The following WDPCP variants were observed in gnomAD, a reference collection of about 807,000 sequenced individuals.
WDPCP encodes the protein WD repeat containing planar cell polarity effector, also known as WD repeat-containing and planar cell polarity effector protein fritz homolog.
In WDPCP, 71 loss-of-function variants were observed where a neutral mutation model predicts 93.1. The ratio of observed to expected loss-of-function variants is 0.76; its 90% CI spans 0.63 to 0.93. The LOEUF (loss-of-function observed/expected upper bound fraction) is 0.93, where lower values mean the gene tolerates loss of function less well. Ranked by LOEUF, WDPCP falls within the 40% of genes least tolerant of loss-of-function variation. WDPCP has a pLI of 0.00. For synonymous variants in WDPCP, 315 were observed against 315.0 expected (o/e 1.00, Z 0.00); for missense variants, 844 against 887.4 (o/e 0.95, Z 0.62).
chr2:63,268,252 G>C (rs1482357388), intron 13 of WDPCP, among the ~76,000 whole-genome samples: 1 of 152,112 alleles, frequency 6.6e-6, no homozygotes, highest in Non-Finnish European at 1.5e-5. Context: ...GATCTCACTT[G>C]TTATATATGG....
chr2:63,571,784 T>C (rs1707524476), intron 1 of WDPCP, among the ~76,000 whole-genome samples: 1 of 152,248 alleles, frequency 6.6e-6, no homozygotes, highest in Non-Finnish European at 1.5e-5. Flanking sequence ...TATTCATAGT[T>C]ATTCGTATCA....
chr2:63,453,275 T>G (rs906528325), intron 6 of WDPCP, among the ~76,000 whole-genome samples: 15 of 152,148 alleles, frequency 9.9e-5, no homozygotes, highest in African/African-American at 3.6e-4. Flanking sequence ...CATCAAAAAG[T>G]GGGCAAAGGA....
At chr2:63,680,310 G>C (rs1289192116) in intron 2 of WDPCP, among the ~76,000 whole-genome samples, 1 of 152,234 alleles carries the variant, frequency 6.6e-6, no homozygotes, top group Non-Finnish European at 1.5e-5. Context: ...AAGAAAGATA[G>C]TCTTGAATAG....
chr2:63,426,341 C>CA lies in WDPCP; in HGVS notation c.825+7403dup, dbSNP rs201451812. On this transcript the variant is annotated intron_variant, in intron 9 of 17. Coordinates refer to ENST00000272321, the MANE Select transcript of WDPCP (RefSeq NM_015910.7). ...TAGGTGACAGAGTGAGACTCTGTCT[C>CA]AAAAAAAAACAAAACAAAACAAATG... is the stretch of plus-strand genomic sequence containing the variant. Among the ~76,000 whole-genome samples, 175 of 145,776 alleles carry CA rather than the reference C, an allele frequency of 1.2e-3. 1 individual carries two copies. In the East Asian group the frequency reaches 0.013, roughly 10 times the overall value.
At position 63,440,115 on chromosome 2, in the gene WDPCP, G is replaced by A. The variant is rs537499168; in HGVS notation, c.385-244C>T. On this transcript the variant is annotated intron_variant, in intron 6 of 17. Coordinates refer to ENST00000272321, the MANE Select transcript of WDPCP (RefSeq NM_015910.7). ...AGCTACATGCAGAAACCTAATTTAG[G>A]CCATGTTTATTAGAAATCTAATCTT... The A allele has an allele frequency of 8.2e-5, 34 of 414,354 alleles. 1 individual carries two copies. The highest frequency in any genetic ancestry group is 7.6e-4 in the East Asian group (19 of 24,890). The allele number at this position is 414,354 out of a possible 1,614,324, so 25.7% of individuals were successfully genotyped here. A position where few individuals can be genotyped will look rare whatever the true frequency, so the allele number is the denominator to read the frequency against.
At chr2:63,591,538 C>CATAT (rs1709201435), upstream of WDPCP, among the ~76,000 whole-genome samples, 1 of 152,178 alleles carries the variant, frequency 6.6e-6, no homozygotes, top group Non-Finnish European at 1.5e-5. Flanking sequence ...TTATTCTAAC[C>CATAT]ATATAGGTGA....
upstream of WDPCP, among the ~76,000 whole-genome samples, chr2:63,591,398 G>T (rs1362295154): frequency 1.3e-5 from 2 of 152,204 alleles, no homozygotes; most frequent in Non-Finnish European, 2.9e-5. Flanking sequence ...ACCTGGGAAA[G>T]TAATTTCCCC....
At chr2:63,354,570 A>G (rs886706925) in intron 12 of WDPCP, among the ~76,000 whole-genome samples, 5 of 152,206 alleles carry the variant, frequency 3.3e-5, no homozygotes, top group Admixed American at 6.5e-5. Context: ...CAATAAGTCT[A>G]AGTGCCACCA....
intron 12 of WDPCP, among the ~76,000 whole-genome samples, chr2:63,347,752 T>C (rs1575194568): frequency 1.6e-5 from 2 of 128,096 alleles, no homozygotes; most frequent in African/African-American, 6.2e-5. Flanking sequence ...CCCGACTGGA[T>C]ATTCATCTGA....
chr2:63,387,964 A>C (rs1454007297), intron 10 of WDPCP, among the ~76,000 whole-genome samples: 1 of 152,164 alleles, frequency 6.6e-6, no homozygotes, highest in Non-Finnish European at 1.5e-5. Context: ...CTGCTCAAAG[A>C]AATCAGAGAT....
intron 14 of WDPCP, among the ~76,000 whole-genome samples, chr2:63,236,857 C>T (rs575305080): frequency 6.6e-6 from 1 of 152,100 alleles, no homozygotes; most frequent in Non-Finnish European, 1.5e-5. Flanking sequence ...AATGTAAAAC[C>T]TCAAAATATA....
chr2:63,290,876 T>A (rs1684368608), intron 13 of WDPCP, among the ~76,000 whole-genome samples: 1 of 152,186 alleles, frequency 6.6e-6, no homozygotes, highest in South Asian at 2.1e-4. Flanking sequence ...CATCACTAGT[T>A]TTCAGTAATT....
At chr2:63,569,907 T>A in intron 1 of WDPCP, among the ~76,000 whole-genome samples, 1 of 152,174 alleles carries the variant, frequency 6.6e-6, no homozygotes, top group South Asian at 2.1e-4. Context: ...GACTCTCTCA[T>A]ATGCTTTGAA....
intron 2 of WDPCP, among the ~76,000 whole-genome samples, chr2:63,690,061 A>G (rs921890751): frequency 2.0e-5 from 3 of 152,214 alleles, no homozygotes; most frequent in Non-Finnish European, 2.9e-5. Context: ...GATGTCAAGA[A>G]TGAGGGCATG....
intron 1 of WDPCP, among the ~76,000 whole-genome samples, chr2:63,541,951 A>C (rs903172259): frequency 2.6e-5 from 4 of 152,164 alleles, no homozygotes; most frequent in Non-Finnish European, 4.4e-5. Context: ...TAAAGCCTAA[A>C]CATATTTACA....
At chr2:63,778,914 T>C (rs372131172) in intron 2 of WDPCP, among the ~76,000 whole-genome samples, 7 of 152,344 alleles carry the variant, frequency 4.6e-5, no homozygotes, top group African/African-American at 1.7e-4. Context: ...TAATATTTTA[T>C]CATTGAATAT....
At chr2:63,452,207 T>A (rs1209464137) in intron 6 of WDPCP, among the ~76,000 whole-genome samples, 13 of 152,154 alleles carry the variant, frequency 8.5e-5, no homozygotes, top group Admixed American at 8.5e-4. Context: ...CGTCTCAGCC[T>A]AAAATTTCCT....
chr2:63,488,002 T>C lies in WDPCP; in HGVS notation c.161-508A>G, dbSNP rs1433083183. On this transcript the variant is annotated intron_variant, in intron 2 of 17. Coordinates refer to ENST00000272321, the MANE Select transcript of WDPCP (RefSeq NM_015910.7). ...ATTAGAGGAACGTTTGGATACATTATTATCTGAAACTTGTTTAGACAGGGA... is the reference window on the plus strand; with the variant it reads ...ATTAGAGGAACGTTTGGATACATTACTATCTGAAACTTGTTTAGACAGGGA... Among the ~76,000 whole-genome samples the C allele has an allele frequency of 3.9e-5, 6 of 152,202 alleles. No individual in the cohort carries two copies. The East Asian group carries it at 9.7e-4, about 25-fold the overall frequency.
chr2:63,721,046 A>G (rs1156299244), intron 2 of WDPCP, among the ~76,000 whole-genome samples: 1 of 152,182 alleles, frequency 6.6e-6, no homozygotes, highest in Non-Finnish European at 1.5e-5. Flanking sequence ...TGAACAGAAA[A>G]CCCTGAAGCA....
Sources: allele counts gnomAD v4.1 joint callset (sites outside exome capture counted in the v4.1 genomes callset), GRCh38; gene constraint gnomAD v4.1.1; transcripts MANE v1.5; gene names NCBI Gene and HGNC (gene_info 2026-07-23, HGNC 2026-07-21).